The following ANXA6 variants were observed in gnomAD, a reference collection of about 807,000 sequenced individuals.
The protein encoded by ANXA6 is annexin A6, also known as 67 kDa calelectrin.
ANXA6 carries 71 observed loss-of-function variants against 95.4 expected under a neutral mutation model. The observed-to-expected ratio is 0.74, with a 90% confidence interval of 0.61 to 0.91. The LOEUF (loss-of-function observed/expected upper bound fraction) is 0.91, where lower values mean the gene tolerates loss of function less well. ANXA6 is among the 40% of genes least tolerant of loss of function. The pLI is 0.00. For missense variants in ANXA6, 830 were observed against 876.4 expected, an observed-to-expected ratio of 0.95 and a Z score of 0.67; for synonymous variants, 289 against 315.9, an observed-to-expected ratio of 0.91 and a Z score of 0.90.
intron 20 of ANXA6, among the ~76,000 whole-genome samples, chr5:151,110,848 C>T (rs549210320): frequency 7.9e-5 from 12 of 152,210 alleles, no homozygotes; most frequent in African/African-American, 2.9e-4. Context: ...ACCTTTTGGG[C>T]TGGAGCTCAG....
chr5:151,107,886 TTGTA>T (rs879420334), intron 23 of ANXA6, among the ~76,000 whole-genome samples: 1 of 149,270 alleles, frequency 6.7e-6, no homozygotes, highest in Non-Finnish European at 1.5e-5. Flanking sequence ...TGTATGTGTC[TTGTA>T]TGTGTGTGCA....
intron 8 of ANXA6, among the ~76,000 whole-genome samples, chr5:151,133,819 G>A (rs1468801349): frequency 6.6e-6 from 1 of 152,094 alleles, no homozygotes; most frequent in Non-Finnish European, 1.5e-5. Context: ...CCCAGGCACA[G>A]TTCTATTTCC....
Position 151,139,365 on chromosome 5 carries a change from G to C in ANXA6, c.192C>G (p.Ser64=). Reference sequence around the variant, plus strand: ...TTGCTGTGGTTACCTTGCCGTAGAGGGACTTGTAGCTCTGGCAGACCTCCT... The same window carrying C: ...TTGCTGTGGTTACCTTGCCGTAGAGCGACTTGTAGCTCTGGCAGACCTCCT... ...QRQEVCQSYK[S]LYGKDLIADL... is the part of the protein sequence containing the mutation. The change falls in exon 4 of 26, where the codon TCC becomes TCG. Residue 64 remains serine (S), a synonymous_variant. Transcript: ENST00000354546. 1 of 1,611,690 alleles carries C rather than the reference G, an allele frequency of 6.2e-7. No individual in the cohort carries two copies. The highest frequency in any genetic ancestry group is 2.2e-5 in the East Asian group (1 of 44,814).
chr5:151,109,527 G>T (rs1227334134), intron 22 of ANXA6, among the ~76,000 whole-genome samples: 1 of 152,184 alleles, frequency 6.6e-6, no homozygotes, highest in Non-Finnish European at 1.5e-5. Context: ...CTAATCCCGG[G>T]CATCCCACCT....
At chr5:151,105,078 C>T (rs1485979648) in intron 24 of ANXA6, among the ~76,000 whole-genome samples, 167 bp downstream of exon 24, 1 of 152,176 alleles carries the variant, frequency 6.6e-6, no homozygotes, top group Non-Finnish European at 1.5e-5. Flanking sequence ...TCACCCCCAA[C>T]TGGGAAATAC....
rs373940595 is a variant in ANXA6 at position 151,105,258 on chromosome 5, T to C, written c.1826A>G (p.Tyr609Cys). Residue 609 changes from tyrosine (Y) to cysteine (C), a missense_variant, in exon 24 of 26, where the codon TAC (tyrosine) becomes TGC (cysteine). Coordinates refer to ENST00000354546, the MANE Select transcript of ANXA6 (RefSeq NM_001155.5). ...NKPLFFADKL[Y>C]KSMKGAGTDE... is the part of the protein sequence containing the mutation. ...ATGTTTTCTTACCTTCATGGATTTG[T>C]AAAGTTTGTCGGCAAAGAAGAGAGG... The C allele has an allele frequency of 1.2e-6, 2 of 1,614,000 alleles. No individual in the cohort carries two copies. The highest frequency in any genetic ancestry group is 2.7e-5 in the African/African-American group (2 of 75,052).
intron 25 of ANXA6, 96 bp from the exon 26 acceptor site, chr5:151,101,603 C>T: frequency 1.8e-6 from 2 of 1,091,434 alleles, no homozygotes; most frequent in Non-Finnish European, 2.8e-6. Flanking sequence ...TCTCCCTCGG[C>T]TTCTCTCCAT....
Position 151,134,526 on chromosome 5 carries a change from G to A in ANXA6, c.490-43C>T, listed in dbSNP as rs767195818. On this transcript the variant is annotated intron_variant, in intron 7 of 25. Coordinates refer to ENST00000354546, the MANE Select transcript of ANXA6 (RefSeq NM_001155.5). ...GAACATGTGTTTCAAACACTGCAAAGTCAGGAGGGAGGCCTGGATGCCAGT... is the reference window on the plus strand; with the variant it reads ...GAACATGTGTTTCAAACACTGCAAAATCAGGAGGGAGGCCTGGATGCCAGT... The A allele has an allele frequency of 1.9e-6, 3 of 1,607,186 alleles. No individual in the cohort carries two copies. In the South Asian group the frequency reaches 3.3e-5, roughly 18 times the overall value.
Position 151,100,841 on chromosome 5 carries a change from G to A in ANXA6, c.*607C>T, listed in dbSNP as rs1764526110. ...GATTTTTTTGTCCAACTGTCTCATT[G>A]TAGATAAGAAAATAGAGACTCAGGG... On this transcript the variant is annotated 3_prime_UTR_variant, in exon 26 of 26. Coordinates refer to ENST00000354546, the MANE Select transcript of ANXA6 (RefSeq NM_001155.5). 1 of 454,170 alleles carries A rather than the reference G, an allele frequency of 2.2e-6. No individual in the cohort carries two copies. Among genetic ancestry groups the A allele is most frequent in the Non-Finnish European group, 4.4e-6 (1 of 226,478 alleles). 28.1% of individuals were successfully genotyped at this position (454,170 alleles called of 1,614,324 possible).
rs370983636 is a variant in ANXA6, at chr5:151,136,325, C to T, written c.420G>A (p.Arg140=). The change falls in exon 7 of 26, where the codon CGG becomes CGA. Residue 140 remains arginine, a synonymous_variant. Transcript: ENST00000354546. ...LVAAYKDAYE[R]DLEADIIGDT... ...CGCCGATGATGTCAGCCTCCAGGTC[C>T]CGCTCGTAGGCTGCAGAAAGGAACG... 3.5e-5 allele frequency: 57 copies of T among 1,613,814 alleles called. No homozygotes were observed. Among genetic ancestry groups the T allele is most frequent in the Non-Finnish European group, 4.7e-5 (55 of 1,179,864 alleles).
At chr5:151,114,949 G>A (rs1421289569) in intron 20 of ANXA6, among the ~76,000 whole-genome samples, 4 of 152,094 alleles carry the variant, frequency 2.6e-5, no homozygotes, top group African/African-American at 7.2e-5. Context: ...AGCTTGACTC[G>A]GCCCTATCAA....
At chr5:151,131,195 T>C (rs1765501484) in intron 11 of ANXA6, 36 bp downstream of exon 11, 1 of 1,609,440 alleles carries the variant, frequency 6.2e-7, no homozygotes. Context: ...AATAGTCCTC[T>C]CCCCAAACCC....
At chr5:151,149,397 A>G (rs1766051702) in intron 1 of ANXA6, among the ~76,000 whole-genome samples, 1 of 152,146 alleles carries the variant, frequency 6.6e-6, no homozygotes, top group South Asian at 2.1e-4. Flanking sequence ...AGCACTCAGG[A>G]GGGCAACAGA....
chr5:151,127,588 T>A (rs906857619), intron 13 of ANXA6, among the ~76,000 whole-genome samples: 4 of 152,166 alleles, frequency 2.6e-5, no homozygotes, highest in Non-Finnish European at 5.9e-5. Flanking sequence ...CCTCCTTGGG[T>A]CTCACCGTGT....
chr5:151,115,147 C>T (rs1160057407), intron 20 of ANXA6, among the ~76,000 whole-genome samples: 1 of 152,068 alleles, frequency 6.6e-6, no homozygotes, highest in Non-Finnish European at 1.5e-5. Context: ...TTTAAAAATG[C>T]AACAATATTC....
chr5:151,117,092 C>G (rs201381416), intron 20 of ANXA6, 35 bp downstream of exon 20: 8 of 1,550,790 alleles, frequency 5.2e-6, no homozygotes, highest in Middle Eastern at 1.7e-4. Context: ...CAGGGACACC[C>G]GGCAGAGGTG....
At chr5:151,122,015 T>C (rs1470398306) in intron 17 of ANXA6, 132 bp downstream of exon 17, 2 of 544,060 alleles carry the variant, frequency 3.7e-6, no homozygotes, top group East Asian at 7.2e-5. Flanking sequence ...TCCTTTTGTG[T>C]TTATGCCAGT....
chr5:151,143,652 AC>A (rs1765895408), intron 2 of ANXA6, among the ~76,000 whole-genome samples: 1 of 152,092 alleles, frequency 6.6e-6, no homozygotes, highest in African/African-American at 2.4e-5. Context: ...GCAGCATGGG[AC>A]CCAGGAAATA....
chr5:151,141,147 G>A (rs367852581), intron 2 of ANXA6, among the ~76,000 whole-genome samples: 94 of 152,354 alleles, frequency 6.2e-4, no homozygotes, highest in South Asian at 2.9e-3. Context: ...TGCACAATGG[G>A]ACTGGTTCAC....
Sources: gnomAD v4.1 joint callset for allele counts (sites outside exome capture counted in the v4.1 genomes callset) on GRCh38, gnomAD v4.1.1 for gene constraint, MANE v1.5 for transcripts, NCBI Gene and HGNC (gene_info 2026-07-23, HGNC 2026-07-21) for gene names.